Variants in ANKEF1 observed in about 807,000 individuals in gnomAD.
ANKEF1 encodes ankyrin repeat and EF-hand domain containing 1.
In ANKEF1, 43 loss-of-function variants were observed where a neutral mutation model predicts 65.1. That is an observed-to-expected ratio of 0.66 (90% CI 0.52 to 0.85). The LOEUF is 0.85. Among genes scored for constraint, ANKEF1 ranks in the 40% least tolerant of loss-of-function variants. The pLI is 0.00. For missense variants in ANKEF1, 934 were observed against 952.9 expected, an observed-to-expected ratio of 0.98 and a Z score of 0.26; for synonymous variants, 316 against 341.5, an observed-to-expected ratio of 0.93 and a Z score of 0.82.
intron 10 of ANKEF1, among the ~76,000 whole-genome samples, chr20:10,055,252 G>A (rs1441398112): frequency 6.6e-6 from 1 of 152,122 alleles, no homozygotes; most frequent in Non-Finnish European, 1.5e-5. Context: ...AGAAGTAACT[G>A]AATAATATTT....
chr20:10,045,465 C>A, intron 5 of ANKEF1, 109 bp from the exon 6 acceptor site: 1 of 1,072,614 alleles, frequency 9.3e-7, no homozygotes, highest in Non-Finnish European at 1.4e-6. Flanking sequence ...TTTCAATAGT[C>A]ATACGTGGCT....
At chr20:10,037,755 T>G (rs1983942307) in intron 2 of ANKEF1, among the ~76,000 whole-genome samples, 1 of 152,242 alleles carries the variant, frequency 6.6e-6, no homozygotes, top group South Asian at 2.1e-4. Context: ...GCCATTTAAC[T>G]ACATCTTTTC....
rs1252484882 is a variant in ANKEF1 at position 10,051,764 on chromosome 20, C to T, written c.1745C>T (p.Ala582Val). The T allele has an allele frequency of 6.2e-7, 1 of 1,613,644 alleles. No homozygotes were observed. Residue 582 changes from alanine (A) to valine (V), a missense_variant, in exon 8 of 11, where the codon GCT (alanine) becomes GTT (valine). By Grantham distance (64) the Ala-to-Val change is moderately conservative. Transcript: ENST00000378392. ...DIVELLVESGALIDAASINNS... is the reference protein window; with the variant it reads ...DIVELLVESGVLIDAASINNS... Reference sequence around the variant, plus strand: ...GTTGAGCTTCTTGTTGAATCTGGAGCTTTAATAGATGCAGCTTCAATCAAC... The same window carrying T: ...GTTGAGCTTCTTGTTGAATCTGGAGTTTTAATAGATGCAGCTTCAATCAAC...
At chr20:10,035,423 G>C (rs1342944445) in intron 1 of ANKEF1, 90 bp downstream of exon 1, 2 of 152,260 alleles carry the variant, frequency 1.3e-5, no homozygotes, top group Admixed American at 1.3e-4. Flanking sequence ...ACTAAAAAGT[G>C]GAAAGCACAG....
chr20:10,044,630 G>C lies in ANKEF1; in HGVS notation c.696+87G>C, dbSNP rs138849215. ...TTTTTTTATATGTCATATAGAGTAC[G>C]CTAAGGCAGACATTTTTCTGAGTTA... On this transcript the variant is annotated intron_variant, in intron 5 of 10. Transcript: ENST00000378392. The C allele has an allele frequency of 2.6e-4, 341 of 1,289,320 alleles. No individual in the cohort carries two copies. The African/African-American group carries it at 4.4e-3, about 17-fold the overall frequency. The allele number at this position is 1,289,320 out of a possible 1,614,324, so 79.9% of individuals were successfully genotyped here.
intron 6 of ANKEF1, 50 bp from the exon 7 acceptor site, chr20:10,049,340 C>A: frequency 6.7e-7 from 1 of 1,500,502 alleles, no homozygotes; most frequent in Non-Finnish European, 9.0e-7. Flanking sequence ...CACTTATAGC[C>A]ATGCAAATGC....
In ANKEF1 at chr20:10,051,991, G is replaced by A. The variant is rs929582471; in HGVS notation, c.1870+102G>A. Reference sequence around the variant, plus strand: ...TTCTCGTAGGCTTGCATTGTCCACTGGGTTCCTGGTACAAACACAAGCCTG... The same window carrying A: ...TTCTCGTAGGCTTGCATTGTCCACTAGGTTCCTGGTACAAACACAAGCCTG... On this transcript the variant is annotated intron_variant, in intron 8 of 10. Coordinates refer to ENST00000378392, the MANE Select transcript of ANKEF1 (RefSeq NM_022096.6). The A allele has an allele frequency of 4.5e-6, 4 of 885,228 alleles. No individual in the cohort carries two copies. The African/African-American group carries it at 5.1e-5, about 11-fold the overall frequency. 54.8% of individuals were successfully genotyped at this position (885,228 alleles called of 1,614,324 possible). A position where few individuals can be genotyped will look rare whatever the true frequency, so the allele number is the denominator to read the frequency against.
chr20:10,044,772 G>A (rs192775315), intron 5 of ANKEF1, among the ~76,000 whole-genome samples: 1 of 152,142 alleles, frequency 6.6e-6, no homozygotes, highest in East Asian at 1.9e-4. Context: ...ATTATTCATA[G>A]TATTTTTCTG....
chr20:10,056,906 C>A lies in ANKEF1; in HGVS notation c.*1246C>A, dbSNP rs1160033516. Reference sequence around the variant, plus strand: ...GTACACAATTCCTTCACCACAACACCTAAGATTAGTATTTGATTGAGTTAC... The same window carrying A: ...GTACACAATTCCTTCACCACAACACATAAGATTAGTATTTGATTGAGTTAC... On this transcript the variant is annotated 3_prime_UTR_variant, in exon 11 of 11. Transcript: ENST00000378392. 1.3e-5 allele frequency: 2 copies of A among 152,090 alleles called. No individual in the cohort carries two copies. Among genetic ancestry groups the A allele is most frequent in the Non-Finnish European group, 2.9e-5 (2 of 68,018 alleles). 9.4% of individuals were successfully genotyped at this position (152,090 alleles called of 1,614,324 possible). A position where few individuals can be genotyped will look rare whatever the true frequency, so the allele number is the denominator to read the frequency against.
intron 6 of ANKEF1, among the ~76,000 whole-genome samples, chr20:10,046,877 A>T (rs1335273117): frequency 6.6e-6 from 1 of 152,208 alleles, no homozygotes; most frequent in Non-Finnish European, 1.5e-5. Flanking sequence ...ATCCATTTTT[A>T]CTTGTATGAA....
At chr20:10,047,242 C>T (rs1984568970) in intron 6 of ANKEF1, among the ~76,000 whole-genome samples, 1 of 152,152 alleles carries the variant, frequency 6.6e-6, no homozygotes, top group South Asian at 2.1e-4. Context: ...CTCAGTGATG[C>T]AGAAAAGATC....
intron 3 of ANKEF1, 24 bp from the exon 4 acceptor site, chr20:10,043,098 T>C: frequency 6.2e-7 from 1 of 1,609,930 alleles, no homozygotes; most frequent in Non-Finnish European, 8.5e-7. Flanking sequence ...TTAAATACTC[T>C]CTGGGGATTT....
In ANKEF1 at chr20:10,055,960, A is replaced by G. The variant is rs1985125684; in HGVS notation, c.*300A>G. 4.3e-6 allele frequency: 1 copy of G among 234,790 alleles called. No individual in the cohort carries two copies. The highest frequency in any genetic ancestry group is 2.2e-5 in the African/African-American group (1 of 44,780). 14.5% of individuals were successfully genotyped at this position (234,790 alleles called of 1,614,324 possible). ...AAAGATTTACCAGGTCTACACCATT[A>G]TGCTTATTATTTTTTTAATTATCCT... On this transcript the variant is annotated 3_prime_UTR_variant, in exon 11 of 11. Transcript: ENST00000378392.
Position 10,055,487 on chromosome 20 carries a change from AT to A in ANKEF1, c.2173-10del. On this transcript the variant is annotated splice_polypyrimidine_tract_variant and intron_variant, in intron 10 of 10. Transcript: ENST00000378392. The stretch of plus-strand genomic sequence containing the variant: ...TACTCATACCTGCTGGGGTATGGCT[AT>A]TTTTCTTTTTAAGATTTGGAGTCCT... The A allele has an allele frequency of 5.6e-6, 9 of 1,612,690 alleles. No homozygotes were observed. The highest frequency in any genetic ancestry group is 7.6e-6 in the Non-Finnish European group (9 of 1,179,178).
In ANKEF1 at chr20:10,038,625, T is replaced by A; in HGVS notation, c.324T>A (p.Thr108=). 2 of 1,597,282 alleles carry A rather than the reference T, an allele frequency of 1.3e-6. No individual in the cohort carries two copies. Among genetic ancestry groups the A allele is most frequent in the Non-Finnish European group, 1.7e-6 (2 of 1,167,536 alleles). ...TAGCAAAGGCAAAGGCTGATATGACTATAGTTGATAATGAAGGAAAAGGTA... is the reference window on the plus strand; with the variant it reads ...TAGCAAAGGCAAAGGCTGATATGACAATAGTTGATAATGAAGGAAAAGGTA... ...EILAKAKADM[T]IVDNEGKGVL... The change falls in exon 3 of 11, where the codon ACT becomes ACA. Residue 108 remains threonine, a synonymous_variant. Coordinates refer to ENST00000378392, the MANE Select transcript of ANKEF1 (RefSeq NM_022096.6).
chr20:10,052,791 A>G (rs1283982734), intron 8 of ANKEF1, among the ~76,000 whole-genome samples: 1 of 152,166 alleles, frequency 6.6e-6, no homozygotes. Flanking sequence ...AATTTGCACA[A>G]TGTGGGGAGA....
At chr20:10,043,652 CTTTTTTTT>C (rs374135080) in intron 4 of ANKEF1, among the ~76,000 whole-genome samples, 20 of 81,374 alleles carry the variant, frequency 2.5e-4, no homozygotes, top group East Asian at 2.5e-3. Context: ...TTTTCTTTTC[CTTTTTTTT>C]TTTTTTTTTT....
intron 4 of ANKEF1, 114 bp downstream of exon 4, chr20:10,043,435 T>C: frequency 1.1e-6 from 1 of 937,252 alleles, no homozygotes; most frequent in Non-Finnish European, 1.6e-6. Context: ...TTCATTTTGA[T>C]TCAAAATGCT....
At chr20:10,043,770 T>G (rs1176086776) in intron 4 of ANKEF1, among the ~76,000 whole-genome samples, 1 of 148,050 alleles carries the variant, frequency 6.8e-6, no homozygotes, top group Non-Finnish European at 1.5e-5. Flanking sequence ...GCAATTCTCC[T>G]GCCTCAGCCT....
Sources: gnomAD v4.1 joint callset for allele counts (sites outside exome capture counted in the v4.1 genomes callset) on GRCh38, gnomAD v4.1.1 for gene constraint, MANE v1.5 for transcripts, NCBI Gene and HGNC (gene_info 2026-07-23, HGNC 2026-07-21) for gene names.